DECR1: variants seen among roughly 807,000 people sequenced by gnomAD.
DECR1 encodes the protein 2,4-dienoyl-CoA reductase [(3E)-enoyl-CoA-producing], mitochondrial.
A neutral mutation model predicts 38.8 loss-of-function variants in DECR1; 44 were observed. That is an observed-to-expected ratio of 1.13 (90% confidence interval 0.89 to 1.46). The LOEUF (loss-of-function observed/expected upper bound fraction) is 1.46. Ranked by LOEUF, DECR1 falls within the 40% of genes most tolerant of loss-of-function variation. The probability of loss-of-function intolerance (pLI) is 0.00; values close to 1 mark genes in which losing one functional copy is unlikely to be tolerated. For synonymous variants in DECR1, 148 were observed against 135.2 expected (o/e 1.09, Z -0.66); for missense variants, 428 against 405.5 (o/e 1.06, Z -0.48).
intron 1 of DECR1, among the ~76,000 whole-genome samples, chr8:90,007,910 G>A (rs181668876): frequency 6.6e-6 from 1 of 152,310 alleles, no homozygotes; most frequent in East Asian, 1.9e-4. Flanking sequence ...GTAATGATAA[G>A]TAAGTCTAGA....
chr8:90,028,906 G>A (rs1014821313), intron 5 of DECR1, among the ~76,000 whole-genome samples: 2 of 151,940 alleles, frequency 1.3e-5, no homozygotes, highest in Admixed American at 6.6e-5. Context: ...TTATAGACAT[G>A]GGTGGAAACT....
chr8:90,047,751 T>C (rs1813949617), intron 8 of DECR1, among the ~76,000 whole-genome samples: 2 of 152,134 alleles, frequency 1.3e-5, no homozygotes. Flanking sequence ...GCACCACATC[T>C]CACTTATTCC....
chr8:90,019,007 A>C, intron 3 of DECR1, 41 bp downstream of exon 3: 1 of 1,578,942 alleles, frequency 6.3e-7, no homozygotes, highest in Non-Finnish European at 8.7e-7. Context: ...TTTAGGAATT[A>C]TAACATGTTC....
At chr8:90,005,072 T>C (rs1302358862) in intron 1 of DECR1, among the ~76,000 whole-genome samples, 3 of 152,154 alleles carry the variant, frequency 2.0e-5, no homozygotes, top group Non-Finnish European at 4.4e-5. Context: ...GGAATTTGTG[T>C]GGTCCCAATG....
chr8:90,038,241 A>G (rs534316654), intron 6 of DECR1, among the ~76,000 whole-genome samples: 1 of 152,020 alleles, frequency 6.6e-6, no homozygotes, highest in South Asian at 2.1e-4. Flanking sequence ...TACAGCTTTC[A>G]TATGTCTATG....
At chr8:90,017,830 T>C (rs1455451932) in intron 2 of DECR1, among the ~76,000 whole-genome samples, 1 of 152,214 alleles carries the variant, frequency 6.6e-6, no homozygotes, top group Non-Finnish European at 1.5e-5. Context: ...TGGTTACTGC[T>C]TTAATTAATA....
chr8:90,012,795 C>T (rs1282261639), intron 1 of DECR1, among the ~76,000 whole-genome samples: 1 of 152,202 alleles, frequency 6.6e-6, no homozygotes, highest in Non-Finnish European at 1.5e-5. Flanking sequence ...GGAAGCCTTC[C>T]ATTTGCCTGT....
At chr8:90,012,449 G>A (rs191175167) in intron 1 of DECR1, among the ~76,000 whole-genome samples, 22 of 152,144 alleles carry the variant, frequency 1.4e-4, no homozygotes, top group Non-Finnish European at 2.4e-4. Flanking sequence ...TACCGTGCCC[G>A]GCCTGATGAT....
rs532651944 is a variant in DECR1 at position 90,045,028 on chromosome 8, T to C, written c.885+33T>C. The C allele has an allele frequency of 4.2e-5, 67 of 1,613,198 alleles. No individual in the cohort carries two copies. The South Asian group carries it at 7.1e-4, about 17-fold the overall frequency. ...TTGTTTATTTCTCTTCACTTTTTTTTCAGGAGTGTGTTTGGGGCAGGGAGG... is the reference window on the plus strand; with the variant it reads ...TTGTTTATTTCTCTTCACTTTTTTTCCAGGAGTGTGTTTGGGGCAGGGAGG... On this transcript the variant is annotated intron_variant, in intron 8 of 9. Coordinates refer to ENST00000220764, the MANE Select transcript of DECR1 (RefSeq NM_001359.2).
intron 1 of DECR1, among the ~76,000 whole-genome samples, chr8:90,007,509 G>C (rs932753289): frequency 6.6e-6 from 1 of 151,954 alleles, no homozygotes; most frequent in African/African-American, 2.4e-5. Flanking sequence ...TGTATCAGGT[G>C]AAGAGGAGAG....
intron 5 of DECR1, among the ~76,000 whole-genome samples, chr8:90,032,908 G>A (rs377249637): frequency 3.3e-5 from 5 of 152,112 alleles, no homozygotes; most frequent in East Asian, 1.9e-4. Context: ...GCATGAGAGC[G>A]GAAGAGTAAT....
At chr8:90,034,418 CTTTA>C (rs747481050) in intron 5 of DECR1, among the ~76,000 whole-genome samples, 46 of 151,862 alleles carry the variant, frequency 3.0e-4, no homozygotes, top group Admixed American at 1.1e-3. Context: ...CCTTTTAAGC[CTTTA>C]TTTGTTTATT....
chr8:90,011,484 A>G (rs1465463648), intron 1 of DECR1, among the ~76,000 whole-genome samples: 1 of 152,184 alleles, frequency 6.6e-6, no homozygotes, highest in African/African-American at 2.4e-5. Context: ...GACGTTCACA[A>G]AAAGCTGATT....
At chr8:90,005,478 G>GT in intron 1 of DECR1, 1 of 455,950 alleles carries the variant, frequency 2.2e-6, no homozygotes, top group Non-Finnish European at 4.4e-6. Flanking sequence ...GGAAGCCAAA[G>GT]TATCACTTTT....
chr8:90,036,178 A>G (rs1374569672), intron 5 of DECR1, among the ~76,000 whole-genome samples: 1 of 152,110 alleles, frequency 6.6e-6, no homozygotes, highest in East Asian at 1.9e-4. Flanking sequence ...TCCTCCTTGG[A>G]GGAACTCTTA....
chr8:90,049,112 T>G (rs894902900), intron 8 of DECR1, among the ~76,000 whole-genome samples: 1 of 152,282 alleles, frequency 6.6e-6, no homozygotes, highest in African/African-American at 2.4e-5. Flanking sequence ...CTTTGAAAAC[T>G]GGCACAAGAC....
chr8:90,017,505 A>G (rs1440865702), intron 2 of DECR1, among the ~76,000 whole-genome samples, 179 bp downstream of exon 2: 1 of 152,254 alleles, frequency 6.6e-6, no homozygotes, highest in Non-Finnish European at 1.5e-5. Context: ...GTACTATTTG[A>G]GATGAAAGAA....
chr8:90,036,890 T>G lies in DECR1; in HGVS notation c.615T>G (p.Gly205=). Residue 205 remains glycine (G), a synonymous_variant, in exon 6 of 10, where the codon GGT becomes GGG. Transcript: ENST00000220764. Reference sequence around the variant, plus strand: ...CTATCTATGCTGAGACTGGTTCAGGTTTTGTAGTACCAAGTGCTTCTGCCA... The same window carrying G: ...CTATCTATGCTGAGACTGGTTCAGGGTTTGTAGTACCAAGTGCTTCTGCCA... ...ITTIYAETGS[G]FVVPSASAKA... is the part of the protein sequence containing the mutation. 7 of 1,613,448 alleles carry G rather than the reference T, an allele frequency of 4.3e-6. No individual in the cohort carries two copies. The highest frequency in any genetic ancestry group is 5.9e-6 in the Non-Finnish European group (7 of 1,179,694).
chr8:90,004,761 C>G (rs1383692734), intron 1 of DECR1, among the ~76,000 whole-genome samples: 1 of 152,066 alleles, frequency 6.6e-6, no homozygotes, highest in African/African-American at 2.4e-5. Flanking sequence ...CTGTTTATAC[C>G]TAGAACAGTG....
Sources: gnomAD v4.1 joint callset for allele counts (sites outside exome capture counted in the v4.1 genomes callset) on GRCh38, gnomAD v4.1.1 for gene constraint, MANE v1.5 for transcripts, NCBI Gene and HGNC (gene_info 2026-07-23, HGNC 2026-07-21) for gene names.